The following ACAD10 variants were observed in gnomAD, a reference collection of about 807,000 sequenced individuals.
The protein encoded by ACAD10 is acyl-CoA dehydrogenase family member 10.
A neutral mutation model predicts 116.8 loss-of-function variants in ACAD10; 112 were observed. That is an observed-to-expected ratio of 0.96 (90% confidence interval 0.82 to 1.12). The LOEUF is 1.12. ACAD10 is among the 50% of genes most tolerant of loss of function. ACAD10 has a pLI of 0.00. For missense variants in ACAD10, 1,259 were observed against 1,350.2 expected (o/e 0.93, Z 1.06); for synonymous variants, 486 against 510.6 (o/e 0.95, Z 0.65).
intron 7 of ACAD10, among the ~76,000 whole-genome samples, chr12:111,718,181 C>G (rs1376797258): frequency 1.3e-5 from 2 of 150,218 alleles, no homozygotes; most frequent in African/African-American, 4.9e-5. Context: ...TCCCAAGTAA[C>G]AGGGATTATA....
rs1238047472 is a variant in ACAD10 at position 111,746,252 on chromosome 12, G to A, written c.2224G>A (p.Glu742Lys). 6.2e-7 allele frequency: 1 copy of A among 1,613,544 alleles called. No homozygotes were observed. Among genetic ancestry groups the A allele is most frequent in the Non-Finnish European group, 8.5e-7 (1 of 1,179,862 alleles). ...LTNVEYAHLC[E>K]LMGTSLYAPE... ...CAATGTGGAATATGCACATCTGTGTGAGCTCATGGGCACGTCCCTGTATGC... is the reference window on the plus strand; with the variant it reads ...CAATGTGGAATATGCACATCTGTGTAAGCTCATGGGCACGTCCCTGTATGC... The change falls in exon 14 of 21, where the codon GAG (glutamate) becomes AAG (lysine). Residue 742 changes from glutamate (E) to lysine (K), a missense_variant. Coordinates refer to ENST00000313698, the MANE Select transcript of ACAD10 (RefSeq NM_025247.6).
Position 111,756,104 on chromosome 12 carries a change from A to G in ACAD10, c.3040-229A>G, listed in dbSNP as rs970183209. On this transcript the variant is annotated intron_variant, in intron 20 of 20. Transcript: ENST00000313698. Reference sequence around the variant, plus strand: ...TTAGATCCTAACCCCCGGCCCCAGCACAGGGCAGAAGGCACCTGCAGAGTG... The same window carrying G: ...TTAGATCCTAACCCCCGGCCCCAGCGCAGGGCAGAAGGCACCTGCAGAGTG... 1.1e-5 allele frequency: 15 copies of G among 1,400,032 alleles called. No homozygotes were observed. In the African/African-American group the frequency reaches 2.2e-4, roughly 20 times the overall value. The allele number at this position is 1,400,032 out of a possible 1,614,324, so 86.7% of individuals were successfully genotyped here. A position where few individuals can be genotyped will look rare whatever the true frequency, so the allele number is the denominator to read the frequency against.
At chr12:111,703,508 A>G (rs537511825) in intron 3 of ACAD10, among the ~76,000 whole-genome samples, 1 of 152,302 alleles carries the variant, frequency 6.6e-6, no homozygotes, top group African/African-American at 2.4e-5. Context: ...TGATGGTTGC[A>G]CGACAACACG....
intron 6 of ACAD10, 90 bp downstream of exon 6, chr12:111,712,747 G>A (rs1197189762): frequency 7.1e-7 from 1 of 1,409,650 alleles, no homozygotes. Context: ...GGAATGGGCT[G>A]GAGACAAAGA....
chr12:111,695,521 G>T (rs1031388081), intron 2 of ACAD10, among the ~76,000 whole-genome samples: 1 of 152,022 alleles, frequency 6.6e-6, no homozygotes, highest in Non-Finnish European at 1.5e-5. Flanking sequence ...GGGGCTCTTG[G>T]ATTCCAGGAC....
Position 111,753,839 on chromosome 12 carries a change from A to C in ACAD10, c.2885A>C (p.Gln962Pro). 6.2e-7 allele frequency: 1 copy of C among 1,613,994 alleles called. No homozygotes were observed. Among genetic ancestry groups the C allele is most frequent in the Non-Finnish European group, 8.5e-7 (1 of 1,180,026 alleles). Residue 962 changes from glutamine (Q) to proline (P), a missense_variant, in exon 19 of 21, where the codon CAG becomes CCG. By Grantham distance (76) the Gln-to-Pro change is moderately conservative (BLOSUM62 -1). Coordinates refer to ENST00000313698, the MANE Select transcript of ACAD10 (RefSeq NM_025247.6). ...EQGTVLADIA[Q>P]SRVEIEQARL... ...GGCACAGTGCTGGCGGACATCGCGC[A>C]GTCGCGCGTGGAGATTGAGCAGGCA...
chr12:111,687,790 G>T (rs1456068813), intron 1 of ACAD10, among the ~76,000 whole-genome samples: 1 of 152,138 alleles, frequency 6.6e-6, no homozygotes, highest in Admixed American at 6.5e-5. Flanking sequence ...TTCACAGGTA[G>T]TAGTGGCAGA....
chr12:111,706,782 A>ATATATTTTTTTTTT (rs778649893), intron 4 of ACAD10, among the ~76,000 whole-genome samples: 10 of 126,500 alleles, frequency 7.9e-5, no homozygotes, highest in African/African-American at 3.2e-4. Context: ...ATATATATAT[A>ATATATTTTTTTTTT]TTTTTTTTTT....
At chr12:111,745,151 G>C (rs960652605) in intron 13 of ACAD10, 108 bp downstream of exon 13, 5 of 1,216,904 alleles carry the variant, frequency 4.1e-6, no homozygotes, top group Admixed American at 2.8e-5. Context: ...CAGGAGCTCC[G>C]AGTTGAATGA....
chr12:111,753,915 G>A lies in ACAD10; in HGVS notation c.2961G>A (p.Lys987=). The part of the protein sequence containing the change: ...AAHLMDLAGN[K]AAALDIAMIK... The stretch of plus-strand genomic sequence containing the variant: ...ACCTCATGGACCTGGCAGGAAACAA[G>A]GTAGGGGCAGGGGCACGAGGGGGCC... The change falls in exon 19 of 21, where the codon AAG becomes AAA. Residue 987 remains lysine, a splice_region_variant and synonymous_variant. Transcript: ENST00000313698. The A allele has an allele frequency of 1.2e-6, 2 of 1,602,098 alleles. No individual in the cohort carries two copies. The highest frequency in any genetic ancestry group is 1.7e-6 in the Non-Finnish European group (2 of 1,172,156).
At chr12:111,700,748 CTTTTTTTTTT>C (rs750378233) in intron 2 of ACAD10, among the ~76,000 whole-genome samples, 6 of 89,938 alleles carry the variant, frequency 6.7e-5, no homozygotes, top group African/African-American at 2.7e-4. Flanking sequence ...CCTTCCTCTT[CTTTTTTTTTT>C]TTTTTTTTTT....
At chr12:111,718,587 C>T (rs985517790) in intron 7 of ACAD10, among the ~76,000 whole-genome samples, 2 of 152,126 alleles carry the variant, frequency 1.3e-5, no homozygotes, top group Non-Finnish European at 2.9e-5. Flanking sequence ...TCAAGTGATT[C>T]TCCTGTCTCA....
At chr12:111,692,630 T>C (rs1459285310) in intron 1 of ACAD10, 67 bp from the exon 2 acceptor site, 2 of 1,514,012 alleles carry the variant, frequency 1.3e-6, no homozygotes, top group Non-Finnish European at 1.8e-6. Context: ...CCCTCTGAGC[T>C]CCAGGATGGA....
At position 111,737,030 on chromosome 12, in the gene ACAD10, C is replaced by T. The variant is rs533021503; in HGVS notation, c.1714+26C>T. ...GTAATGGGATGGCTGCCCTGAAGAG[C>T]CACTGCGGGGTGAGTCACAGCAAGG... On this transcript the variant is annotated intron_variant, in intron 12 of 20. Coordinates refer to ENST00000313698, the MANE Select transcript of ACAD10 (RefSeq NM_025247.6). 3.7e-6 allele frequency: 6 copies of T among 1,609,074 alleles called. No homozygotes were observed. The Admixed American group carries it at 8.4e-5, about 22-fold the overall frequency.
intron 16 of ACAD10, 192 bp downstream of exon 16, chr12:111,747,577 G>A (rs751744086): frequency 7.1e-7 from 1 of 1,414,536 alleles, no homozygotes; most frequent in Non-Finnish European, 9.2e-7. Context: ...CTCAGAGGTG[G>A]CACTTCACAG....
At chr12:111,706,223 A>G (rs1888500364) in intron 4 of ACAD10, among the ~76,000 whole-genome samples, 4 of 152,132 alleles carry the variant, frequency 2.6e-5, no homozygotes, top group African/African-American at 7.2e-5. Flanking sequence ...CAGCCCTCAT[A>G]TCGTAATGGA....
chr12:111,733,741 TCCAGCTGGAAG>T, intron 10 of ACAD10, 171 bp from the exon 11 acceptor site: 2 of 639,830 alleles, frequency 3.1e-6, no homozygotes, highest in Non-Finnish European at 5.3e-6. Context: ...ATTGGCTGAG[TCCAGCTGGAAG>T]CCAGAGGGCA....
Position 111,715,761 on chromosome 12 carries a change from T to C in ACAD10, c.851-60T>C, listed in dbSNP as rs1433598578. 1.9e-5 allele frequency: 30 copies of C among 1,608,234 alleles called. No homozygotes were observed. In the Admixed American group the frequency reaches 3.5e-4, roughly 19 times the overall value. On this transcript the variant is annotated intron_variant, in intron 6 of 20. Transcript: ENST00000313698. ...TGCAGAACTCATTAGAAAGAAAGAATGTCTGCTCAGATCTGTCCTCCAGGG... is the reference window on the plus strand; with the variant it reads ...TGCAGAACTCATTAGAAAGAAAGAACGTCTGCTCAGATCTGTCCTCCAGGG...
chr12:111,726,126 C>T (rs1490749904), intron 8 of ACAD10, among the ~76,000 whole-genome samples: 1 of 151,996 alleles, frequency 6.6e-6, no homozygotes, highest in Non-Finnish European at 1.5e-5. Context: ...TGGTGGCGCT[C>T]ACCTGGAGTC....
Sources: gnomAD v4.1 joint callset for allele counts (sites outside exome capture counted in the v4.1 genomes callset) on GRCh38, gnomAD v4.1.1 for gene constraint, MANE v1.5 for transcripts, NCBI Gene and HGNC (gene_info 2026-07-23, HGNC 2026-07-21) for gene names.